Variants in KCNH5 observed in about 807,000 individuals in gnomAD.
KCNH5 encodes the protein voltage-gated delayed rectifier potassium channel KCNH5.
Under a neutral mutation model 96.1 loss-of-function variants are expected in KCNH5, and 46 were observed. That is an observed-to-expected ratio of 0.48 (90% CI 0.38 to 0.61). The LOEUF (loss-of-function observed/expected upper bound fraction) is 0.61, where lower values mean the gene tolerates loss of function less well. KCNH5 is among the 20% of genes least tolerant of loss of function. KCNH5 has a pLI of 0.00. For missense variants in KCNH5, 907 were observed against 1,225.8 expected, an observed-to-expected ratio of 0.74 and a Z score of 3.88; for synonymous variants, 439 against 449.8, an observed-to-expected ratio of 0.98 and a Z score of 0.30.
At chr14:62,937,827 A>C (rs1889714061) in intron 7 of KCNH5, among the ~76,000 whole-genome samples, 1 of 152,174 alleles carries the variant, frequency 6.6e-6, no homozygotes, top group Admixed American at 6.5e-5. Flanking sequence ...CACAGGATGA[A>C]GGAATTTGGA....
At chr14:63,027,371 T>C (rs144318615) in intron 1 of KCNH5, among the ~76,000 whole-genome samples, 368 of 151,614 alleles carry the variant, frequency 2.4e-3, no homozygotes, top group Non-Finnish European at 4.5e-3. Flanking sequence ...AAGTGACAAG[T>C]GAGGTAATGA....
intron 8 of KCNH5, among the ~76,000 whole-genome samples, chr14:62,845,202 CAG>C (rs1371618974): frequency 3.3e-5 from 5 of 151,982 alleles, no homozygotes; most frequent in African/African-American, 1.2e-4. Flanking sequence ...GGAAGTCTAA[CAG>C]AGGTCTCGAA....
chr14:62,802,496 C>G lies in KCNH5; in HGVS notation c.1655G>C (p.Arg552Pro). Residue 552 changes from arginine (R) to proline (P), a missense_variant, in exon 9 of 11, where the codon CGA becomes CCA. By Grantham distance (103) the Arg-to-Pro change is moderately radical. Coordinates refer to ENST00000322893, the MANE Select transcript of KCNH5 (RefSeq NM_139318.5). ...RKVFNEHPAF[R>P]LASDGCLRAL... Reference sequence around the variant, plus strand: ...GCGCAGACACCCATCGCTGGCCAATCGAAAAGCAGGATGTTCATTAAAAAC... The same window carrying G: ...GCGCAGACACCCATCGCTGGCCAATGGAAAAGCAGGATGTTCATTAAAAAC... 6.2e-7 allele frequency: 1 copy of G among 1,614,032 alleles called. No homozygotes were observed. Among genetic ancestry groups the G allele is most frequent in the Non-Finnish European group, 8.5e-7 (1 of 1,180,004 alleles).
chr14:63,003,608 TTATA>T (rs561686892), intron 3 of KCNH5, among the ~76,000 whole-genome samples: 86 of 115,428 alleles, frequency 7.5e-4, no homozygotes, highest in African/African-American at 1.4e-3. Flanking sequence ...ATATTTATAT[TTATA>T]TATATATATA....
chr14:62,910,938 CA>C (rs1364053071), intron 7 of KCNH5, among the ~76,000 whole-genome samples: 112 of 145,952 alleles, frequency 7.7e-4, no homozygotes, highest in African/African-American at 1.8e-3. Context: ...CACACACACA[CA>C]CACCCCTCTG....
rs141970580 is a variant in KCNH5 at position 63,045,181 on chromosome 14, C to A, written c.6G>T (p.Pro2=). 8.9e-5 allele frequency: 144 copies of A among 1,613,174 alleles called. No homozygotes were observed. In the African/African-American group the frequency reaches 1.8e-3, roughly 21 times the overall value. M[P]GGKRGLVAPQ... The stretch of plus-strand genomic sequence containing the variant: ...GTGCCACCAGCCCTCTCTTGCCCCC[C>A]GGCATCCTGGGTCTGGAGAGCAGCG... Residue 2 remains proline, a synonymous_variant, in exon 1 of 11, where the codon CCG becomes CCT. Transcript: ENST00000322893.
intron 7 of KCNH5, among the ~76,000 whole-genome samples, chr14:62,863,101 T>C (rs1051587097): frequency 3.3e-5 from 5 of 152,210 alleles, no homozygotes; most frequent in Non-Finnish European, 5.9e-5. Context: ...CATACCACTG[T>C]TTAAAATATT....
chr14:62,850,976 G>T (rs973661840), intron 7 of KCNH5, among the ~76,000 whole-genome samples: 1 of 152,154 alleles, frequency 6.6e-6, no homozygotes, highest in Non-Finnish European at 1.5e-5. Flanking sequence ...AGTTTCATCA[G>T]CCAAATCCCA....
chr14:62,730,755 A>G (rs570474935), intron 10 of KCNH5, among the ~76,000 whole-genome samples: 7 of 152,324 alleles, frequency 4.6e-5, no homozygotes, highest in South Asian at 2.1e-4. Context: ...ATTAAAATCT[A>G]TCTTACTGGT....
At position 62,818,116 on chromosome 14, in the gene KCNH5, G is replaced by GA. The variant is rs1337172792; in HGVS notation, c.1570-15536_1570-15535insT. On this transcript the variant is annotated intron_variant, in intron 8 of 10. Transcript: ENST00000322893. ...GCTACCAGGAGCTGGGGGCGGGGGG[G>GA]GGGTGGAAGAAATGGGGAGATGTTT... Among the ~76,000 whole-genome samples, 2 of 120,426 alleles carry GA rather than the reference G, an allele frequency of 1.7e-5. 1 individual carries two copies. The highest frequency in any genetic ancestry group is 5.9e-4 in the East Asian group (2 of 3,400). The allele number at this position is 120,426 out of a possible 152,430, so 79.0% of individuals were successfully genotyped here.
chr14:62,841,604 T>C (rs1339510098), intron 8 of KCNH5, among the ~76,000 whole-genome samples: 1 of 152,250 alleles, frequency 6.6e-6, no homozygotes, highest in Admixed American at 6.5e-5. Context: ...AATAAAACAG[T>C]GCCCACTGAA....
intron 7 of KCNH5, among the ~76,000 whole-genome samples, chr14:62,938,348 T>C (rs1254051416): frequency 6.6e-6 from 1 of 152,172 alleles, no homozygotes; most frequent in African/African-American, 2.4e-5. Context: ...ATGTGCCTGG[T>C]ACCTAACCTT....
In KCNH5 at chr14:62,743,840, G is replaced by A. The variant is rs370261759; in HGVS notation, c.2020-35385C>T. On this transcript the variant is annotated intron_variant, in intron 10 of 10. Coordinates refer to ENST00000322893, the MANE Select transcript of KCNH5 (RefSeq NM_139318.5). ...TGGAAGTCCCAGAAATTTGCTGAATGACAAGAAAGCTCTCTTAGCAAGGAA... is the reference window on the plus strand; with the variant it reads ...TGGAAGTCCCAGAAATTTGCTGAATAACAAGAAAGCTCTCTTAGCAAGGAA... Among the ~76,000 whole-genome samples, 41 of 152,242 alleles carry A rather than the reference G, an allele frequency of 2.7e-4. No individual in the cohort carries two copies. The East Asian group carries it at 7.7e-3, about 29-fold the overall frequency.
rs547255052 is a variant in KCNH5 at position 62,998,580 on chromosome 14, A to T, written c.433+2751T>A. Among the ~76,000 whole-genome samples the T allele has an allele frequency of 1.2e-3, 185 of 152,142 alleles. 1 individual carries two copies. Among genetic ancestry groups the T allele is most frequent in the Non-Finnish European group, 1.8e-3 (125 of 67,996 alleles). On this transcript the variant is annotated intron_variant, in intron 4 of 10. Transcript: ENST00000322893. ...TTTTATGTCTTTCTTCTTTTCTAAT[A>T]TATGCATTTAATGTTACATATTTCC...
chr14:62,897,066 G>A (rs914050219), intron 7 of KCNH5, among the ~76,000 whole-genome samples: 3 of 152,190 alleles, frequency 2.0e-5, no homozygotes, highest in African/African-American at 7.2e-5. Flanking sequence ...TGGTCACTGT[G>A]AGCAGTGGCT....
chr14:63,045,439 A>G lies in KCNH5; in HGVS notation c.-253T>C. On this transcript the variant is annotated 5_prime_UTR_variant, in exon 1 of 11. Transcript: ENST00000322893. ...GCTGCCCAGACTGTGGCGGTGCCGCACACGGGGCTCGGGAACTGCAGGCTC... is the reference window on the plus strand; with the variant it reads ...GCTGCCCAGACTGTGGCGGTGCCGCGCACGGGGCTCGGGAACTGCAGGCTC... 1 of 521,774 alleles carries G rather than the reference A, an allele frequency of 1.9e-6. No homozygotes were observed. Among genetic ancestry groups the G allele is most frequent in the Non-Finnish European group, 3.5e-6 (1 of 288,612 alleles). The allele number at this position is 521,774 out of a possible 1,614,324, so 32.3% of individuals were successfully genotyped here.
chr14:62,804,571 G>A (rs913387150), intron 8 of KCNH5, among the ~76,000 whole-genome samples: 1 of 152,124 alleles, frequency 6.6e-6, no homozygotes, highest in African/African-American at 2.4e-5. Context: ...TGGGAGCATG[G>A]CCAGAGTGAC....
At chr14:62,833,867 T>C (rs1348153313) in intron 8 of KCNH5, among the ~76,000 whole-genome samples, 2 of 152,010 alleles carry the variant, frequency 1.3e-5, no homozygotes, top group African/African-American at 4.8e-5. Context: ...AATCATTATC[T>C]TGTGCCATTA....
chr14:62,789,340 C>T (rs577986131), intron 9 of KCNH5, among the ~76,000 whole-genome samples: 126 of 152,042 alleles, frequency 8.3e-4, no homozygotes, highest in Non-Finnish European at 1.4e-3. Flanking sequence ...TCAATGGATA[C>T]TTAGGTCGTT....
Sources: allele counts gnomAD v4.1 joint callset (sites outside exome capture counted in the v4.1 genomes callset), GRCh38; gene constraint gnomAD v4.1.1; transcripts MANE v1.5; gene names NCBI Gene and HGNC (gene_info 2026-07-23, HGNC 2026-07-21).